Variants in AGBL4 observed in about 807,000 individuals in gnomAD.
The protein encoded by AGBL4 is AGBL carboxypeptidase 4, also known as cytosolic carboxypeptidase 6.
A neutral mutation model predicts 66.4 loss-of-function variants in AGBL4; 58 were observed. The ratio of observed to expected loss-of-function variants is 0.87; its 90% CI spans 0.71 to 1.09. The LOEUF (loss-of-function observed/expected upper bound fraction) is 1.09. Among genes scored for constraint, AGBL4 ranks in the 50% least tolerant of loss-of-function variants. The pLI is 0.00. For missense variants in AGBL4, 579 were observed against 631.0 expected (o/e 0.92, Z 0.88); for synonymous variants, 234 against 222.9 (o/e 1.05, Z -0.44).
chr1:49,595,635 T>C (rs1416064726), intron 3 of AGBL4, among the ~76,000 whole-genome samples: 1 of 152,068 alleles, frequency 6.6e-6, no homozygotes, highest in African/African-American at 2.4e-5. Context: ...ATGGTGTTTC[T>C]TTTGGATGTG....
chr1:49,451,402 T>A (rs1381686569), intron 3 of AGBL4, among the ~76,000 whole-genome samples: 1 of 151,792 alleles, frequency 6.6e-6, no homozygotes, highest in Non-Finnish European at 1.5e-5. Context: ...TCACAGAGAG[T>A]GATTTATCAC....
At chr1:48,650,201 G>A (rs1268975314) in intron 8 of AGBL4, among the ~76,000 whole-genome samples, 1 of 152,182 alleles carries the variant, frequency 6.6e-6, no homozygotes, top group Non-Finnish European at 1.5e-5. Flanking sequence ...AGAGGAGCAG[G>A]GCTAGGTCAG....
intron 2 of AGBL4, among the ~76,000 whole-genome samples, chr1:49,713,882 GC>G (rs1647870438): frequency 6.6e-6 from 1 of 152,030 alleles, no homozygotes; most frequent in South Asian, 2.1e-4. Context: ...TCCTACCTCA[GC>G]CTACAGAGTA....
At chr1:49,689,359 T>C (rs1027741795) in intron 3 of AGBL4, among the ~76,000 whole-genome samples, 6 of 152,124 alleles carry the variant, frequency 3.9e-5, no homozygotes, top group African/African-American at 1.2e-4. Flanking sequence ...TCTTGGCACT[T>C]TTGTCAAAAA....
intron 5 of AGBL4, among the ~76,000 whole-genome samples, chr1:48,897,806 C>CTTTTTT (rs55889870): frequency 7.8e-6 from 1 of 127,806 alleles, no homozygotes. Context: ...CTTTTGCCCA[C>CTTTTTT]TTTTTTTTTT....
chr1:49,137,372 A>T (rs1646032103), intron 4 of AGBL4, among the ~76,000 whole-genome samples: 1 of 152,170 alleles, frequency 6.6e-6, no homozygotes, highest in African/African-American at 2.4e-5. Flanking sequence ...TTGATGTGGA[A>T]GTGGAAGATG....
chr1:48,946,375 G>A (rs1656508556), intron 5 of AGBL4, among the ~76,000 whole-genome samples: 1 of 152,314 alleles, frequency 6.6e-6, no homozygotes, highest in Admixed American at 6.5e-5. Context: ...AATTACAGGA[G>A]ATATTCACAT....
At chr1:49,504,050 A>T (rs1446045077) in intron 3 of AGBL4, among the ~76,000 whole-genome samples, 1 of 152,082 alleles carries the variant, frequency 6.6e-6, no homozygotes, top group African/African-American at 2.4e-5. Flanking sequence ...AATTCTCATA[A>T]TCCCCACAAA....
intron 2 of AGBL4, among the ~76,000 whole-genome samples, chr1:49,805,758 A>G (rs1195159693): frequency 3.9e-5 from 6 of 152,208 alleles, no homozygotes; most frequent in African/African-American, 1.4e-4. Flanking sequence ...GTACCCTTAT[A>G]AAAGTGGCCT....
At chr1:48,766,257 A>T (rs1644523781) in intron 6 of AGBL4, among the ~76,000 whole-genome samples, 1 of 152,018 alleles carries the variant, frequency 6.6e-6, no homozygotes, top group Admixed American at 6.6e-5. Flanking sequence ...AAGAAACAAA[A>T]CTCTCCTCCT....
intron 3 of AGBL4, among the ~76,000 whole-genome samples, chr1:49,459,044 C>T (rs902753967): frequency 4.6e-5 from 7 of 150,782 alleles, no homozygotes; most frequent in Non-Finnish European, 8.9e-5. Flanking sequence ...TTCTTTCTTT[C>T]TCTTTCTTTC....
intron 4 of AGBL4, among the ~76,000 whole-genome samples, chr1:49,077,436 T>TA (rs1644731982): frequency 6.6e-6 from 1 of 152,154 alleles, no homozygotes; most frequent in African/African-American, 2.4e-5. Context: ...TACAAAACTG[T>TA]ACTTCACATG....
At chr1:49,945,816 G>A (rs1174912309) in intron 1 of AGBL4, among the ~76,000 whole-genome samples, 1 of 151,866 alleles carries the variant, frequency 6.6e-6, no homozygotes, top group Admixed American at 6.6e-5. Context: ...GCCTTCAAGA[G>A]ACTCAAGTAA....
At chr1:49,287,567 A>C (rs1168254801) in intron 3 of AGBL4, among the ~76,000 whole-genome samples, 2 of 152,256 alleles carry the variant, frequency 1.3e-5, no homozygotes, top group East Asian at 3.9e-4. Flanking sequence ...ATGAACAGAC[A>C]CTTCTCAAAA....
chr1:49,432,668 A>C (rs1205111580), intron 3 of AGBL4, among the ~76,000 whole-genome samples: 4 of 152,184 alleles, frequency 2.6e-5, no homozygotes, highest in African/African-American at 9.7e-5. Flanking sequence ...ATCAATTTAC[A>C]TCAAACTTTA....
At chr1:49,915,600 G>C (rs937508928) in intron 1 of AGBL4, among the ~76,000 whole-genome samples, 29 of 152,312 alleles carry the variant, frequency 1.9e-4, no homozygotes, top group African/African-American at 7.0e-4. Flanking sequence ...CTCGAACTGG[G>C]TGGAGCCCAC....
intron 9 of AGBL4, among the ~76,000 whole-genome samples, chr1:48,596,048 G>T (rs1644990019): frequency 2.6e-5 from 4 of 152,206 alleles, no homozygotes; most frequent in Admixed American, 6.5e-5. Context: ...TACAGAGGAG[G>T]AAATGGAAGC....
chr1:48,893,146 G>T (rs1196941106), intron 5 of AGBL4, among the ~76,000 whole-genome samples: 1 of 152,154 alleles, frequency 6.6e-6, no homozygotes, highest in Non-Finnish European at 1.5e-5. Flanking sequence ...CTGCTCAGCT[G>T]ACTTTAGACC....
intron 1 of AGBL4, among the ~76,000 whole-genome samples, chr1:49,872,405 T>C (rs568849108): frequency 6.6e-6 from 1 of 152,210 alleles, no homozygotes; most frequent in African/African-American, 2.4e-5. Flanking sequence ...TATTTTCAAA[T>C]GGCATTAAGA....
Sources: allele counts gnomAD v4.1 joint callset (sites outside exome capture counted in the v4.1 genomes callset), GRCh38; gene constraint gnomAD v4.1.1; transcripts MANE v1.5; gene names NCBI Gene and HGNC (gene_info 2026-07-23, HGNC 2026-07-21).